The following TMIGD3 variants were observed in gnomAD, a reference collection of about 807,000 sequenced individuals.
TMIGD3 encodes the protein AD026 protein (AD026).
Under a neutral mutation model 28.1 loss-of-function variants are expected in TMIGD3, and 21 were observed. The ratio of observed to expected loss-of-function variants is 0.75; its 90% CI spans 0.53 to 1.08. The LOEUF (loss-of-function observed/expected upper bound fraction) is 1.08, where lower values mean the gene tolerates loss of function less well. Ranked by LOEUF, TMIGD3 falls within the 50% of genes least tolerant of loss-of-function variation. The pLI is 0.00. For synonymous variants in TMIGD3, 151 were observed against 162.1 expected (o/e 0.93, Z 0.52); for missense variants, 416 against 435.6 (o/e 0.96, Z 0.40).
intron 1 of TMIGD3, among the ~76,000 whole-genome samples, chr1:111,560,569 G>A (rs1657696372): frequency 6.6e-6 from 1 of 151,656 alleles, no homozygotes; most frequent in Admixed American, 6.6e-5. Context: ...GCTCACTGCA[G>A]CCTCAAACTC....
At chr1:111,489,693 C>G (rs1199915540) in intron 2 of TMIGD3, 16 of 1,095,714 alleles carry the variant, frequency 1.5e-5, no homozygotes, top group South Asian at 2.2e-5. Context: ...TCCCTAGCTC[C>G]CACCCTACCT....
chr1:111,538,297 T>C (rs1006714408), intron 1 of TMIGD3, among the ~76,000 whole-genome samples: 3 of 152,196 alleles, frequency 2.0e-5, no homozygotes, highest in African/African-American at 7.2e-5. Flanking sequence ...AAGTTGACCA[T>C]ACAGGGAAGG....
intron 1 of TMIGD3, among the ~76,000 whole-genome samples, chr1:111,538,184 G>A (rs748003131): frequency 6.6e-6 from 1 of 152,148 alleles, no homozygotes; most frequent in Non-Finnish European, 1.5e-5. Flanking sequence ...AACACAATTT[G>A]TGCCTCTGGA....
At chr1:111,535,955 A>G (rs184262607) in intron 1 of TMIGD3, among the ~76,000 whole-genome samples, 48 of 152,330 alleles carry the variant, frequency 3.2e-4, no homozygotes, top group African/African-American at 6.5e-4. Context: ...CCTTCAGTGC[A>G]CAGACCAGCA....
intron 2 of TMIGD3, 95 bp downstream of exon 2, chr1:111,490,561 A>G: frequency 2.3e-6 from 2 of 883,720 alleles, no homozygotes; most frequent in Non-Finnish European, 3.7e-6. Flanking sequence ...GTTCGAGTTA[A>G]TAAGCAAGGA....
At chr1:111,547,118 G>A (rs537752315) in intron 1 of TMIGD3, among the ~76,000 whole-genome samples, 1 of 152,166 alleles carries the variant, frequency 6.6e-6, no homozygotes, top group South Asian at 2.1e-4. Flanking sequence ...TATTGGTCTT[G>A]TATCCTTCAA....
intron 1 of TMIGD3, among the ~76,000 whole-genome samples, chr1:111,525,716 T>C (rs2101008154): frequency 6.6e-6 from 1 of 152,142 alleles, no homozygotes; most frequent in East Asian, 1.9e-4. Context: ...TACAAAAAAT[T>C]AGCTGGGCAT....
Position 111,499,628 on chromosome 1 carries a change from G to A in TMIGD3, c.350+3377C>T, listed in dbSNP as rs1042244814. ...TCAGCCCAACTGGAGCCTTTTGTCAGTAAGTCAACTAGGCACCCTTCAGGC... is the reference window on the plus strand; with the variant it reads ...TCAGCCCAACTGGAGCCTTTTGTCAATAAGTCAACTAGGCACCCTTCAGGC... On this transcript the variant is annotated intron_variant, in intron 1 of 5. Coordinates refer to ENST00000369716, the MANE Select transcript of TMIGD3 (RefSeq NM_020683.7). 4 of 1,118,018 alleles carry A rather than the reference G, an allele frequency of 3.6e-6. 1 individual carries two copies. The South Asian group carries it at 8.0e-5, about 22-fold the overall frequency. The allele number at this position is 1,118,018 out of a possible 1,614,324, so 69.3% of individuals were successfully genotyped here.
chr1:111,538,963 C>G (rs765751740), intron 1 of TMIGD3, among the ~76,000 whole-genome samples: 1 of 152,038 alleles, frequency 6.6e-6, no homozygotes, highest in African/African-American at 2.4e-5. Context: ...TTCTACACCC[C>G]CAATGGGCCT....
chr1:111,542,084 GCT>G (rs1491551238), intron 1 of TMIGD3: 2 of 102,360 alleles, frequency 2.0e-5, no homozygotes, highest in African/African-American at 1.5e-4. Context: ...GTGCAAAGAA[GCT>G]TTTTTTTTTT....
intron 1 of TMIGD3, among the ~76,000 whole-genome samples, chr1:111,525,016 T>C (rs544483103): frequency 1.3e-5 from 2 of 152,258 alleles, no homozygotes; most frequent in South Asian, 4.1e-4. Context: ...CTTGTTATTA[T>C]TGACTTCTAA....
rs569296076 is a variant in TMIGD3, at chr1:111,563,801, C to T, written c.107+45G>A. ...AAGTGGTCAGTATGCAGACTCAGAC[C>T]CCAACCTCTGCCTCCCAGCAGCTAT... On this transcript the variant is annotated intron_variant, in intron 1 of 5. Coordinates refer to the TMIGD3 transcript ENST00000369717. 7.9e-6 allele frequency: 12 copies of T among 1,516,204 alleles called. No homozygotes were observed. In the South Asian group the frequency reaches 1.4e-4, roughly 17 times the overall value. The allele number at this position is 1,516,204 out of a possible 1,614,324, so 93.9% of individuals were successfully genotyped here. A position where few individuals can be genotyped will look rare whatever the true frequency, so the allele number is the denominator to read the frequency against.
chr1:111,546,318 T>G (rs1657032386), intron 1 of TMIGD3, among the ~76,000 whole-genome samples: 1 of 152,186 alleles, frequency 6.6e-6, no homozygotes, highest in Non-Finnish European at 1.5e-5. Context: ...TCAGTGGCAT[T>G]AAGTACATTT....
chr1:111,519,669 C>A (rs1655988414), intron 1 of TMIGD3, among the ~76,000 whole-genome samples: 1 of 151,812 alleles, frequency 6.6e-6, no homozygotes, highest in Non-Finnish European at 1.5e-5. Context: ...TTCTCCCTTT[C>A]CCTCCCCGAG....
chr1:111,500,860 GT>G, intron 1 of TMIGD3: 2 of 484,026 alleles, frequency 4.1e-6, no homozygotes, highest in Non-Finnish European at 3.6e-6. Flanking sequence ...AAGTGCTTAC[GT>G]GCTCCACTCA....
chr1:111,500,869 T>C (rs1327634013), intron 1 of TMIGD3: 15 of 465,458 alleles, frequency 3.2e-5, no homozygotes, highest in Non-Finnish European at 5.7e-5. Context: ...CGTGCTCCAC[T>C]CAGGGCTCCA....
chr1:111,490,834 G>GA (rs3831359), intron 1 of TMIGD3, 72 bp from the exon 2 acceptor site: 648,923 of 1,075,230 alleles, frequency 0.6, 203,499 homozygotes, highest in Admixed American at 0.71. Context: ...AGTGAAAAGG[G>GA]AAACAACCAG....
At chr1:111,551,252 A>G (rs1183646381) in intron 1 of TMIGD3, among the ~76,000 whole-genome samples, 4 of 152,182 alleles carry the variant, frequency 2.6e-5, no homozygotes, top group Non-Finnish European at 5.9e-5. Flanking sequence ...TACTGAAAAG[A>G]AAGGGCTTAC....
intron 1 of TMIGD3, among the ~76,000 whole-genome samples, chr1:111,563,420 G>A (rs534181068): frequency 1.3e-5 from 2 of 152,328 alleles, no homozygotes; most frequent in East Asian, 3.9e-4. Flanking sequence ...TCAGGATGTG[G>A]CTCCTTAAGT....
Sources: allele counts gnomAD v4.1 joint callset (sites outside exome capture counted in the v4.1 genomes callset), GRCh38; gene constraint gnomAD v4.1.1; transcripts MANE v1.5; gene names NCBI Gene and HGNC (gene_info 2026-07-23, HGNC 2026-07-21).